S100Z: variants seen among roughly 807,000 people sequenced by gnomAD.
The protein encoded by S100Z is protein S100-Z.
In S100Z, 11 loss-of-function variants were observed where a neutral mutation model predicts 8.5. That is an observed-to-expected ratio of 1.30 (90% confidence interval 0.82 to 2.15). The LOEUF is 2.15. S100Z is among the 30% of genes most tolerant of loss of function. The pLI, the probability that S100Z is intolerant of heterozygous loss-of-function variation, is 0.00. For synonymous variants in S100Z, 34 were observed against 43.8 expected (o/e 0.78, Z 0.89); for missense variants, 126 against 117.9 (o/e 1.07, Z -0.32).
At chr5:76,888,549 T>C (rs899880878) in intron 4 of S100Z, among the ~76,000 whole-genome samples, 1 of 151,528 alleles carries the variant, frequency 6.6e-6, no homozygotes, top group Non-Finnish European at 1.5e-5. Flanking sequence ...CTAATTTTTT[T>C]GTATTTTTGG....
intron 1 of S100Z, among the ~76,000 whole-genome samples, chr5:76,863,533 T>C (rs1751127252): frequency 6.6e-6 from 1 of 152,084 alleles, no homozygotes; most frequent in Non-Finnish European, 1.5e-5. Flanking sequence ...CTTATTTTGT[T>C]TTATTTTATT....
intron 2 of S100Z, among the ~76,000 whole-genome samples, chr5:76,872,636 G>A (rs1214538835): frequency 6.6e-6 from 1 of 151,706 alleles, no homozygotes; most frequent in Non-Finnish European, 1.5e-5. Flanking sequence ...TTCCAGCATG[G>A]GTGACAGAGC....
At chr5:76,865,499 G>A (rs368881754) in intron 1 of S100Z, among the ~76,000 whole-genome samples, 11 of 148,236 alleles carry the variant, frequency 7.4e-5, no homozygotes, top group East Asian at 2.0e-4. Flanking sequence ...CACCTGCCTC[G>A]GCCTCCCAAA....
At chr5:76,896,613 A>T (rs1170635455) in intron 4 of S100Z, among the ~76,000 whole-genome samples, 4 of 152,220 alleles carry the variant, frequency 2.6e-5, no homozygotes, top group African/African-American at 9.6e-5. Flanking sequence ...AGAAACCTCC[A>T]AACTGTTCTC....
downstream of S100Z, among the ~76,000 whole-genome samples, chr5:76,923,226 C>A (rs1289534487): frequency 3.3e-5 from 5 of 152,198 alleles, no homozygotes; most frequent in Non-Finnish European, 7.3e-5. Flanking sequence ...CTATATCAAT[C>A]CTCAGCAGTC....
intron 4 of S100Z, among the ~76,000 whole-genome samples, chr5:76,914,791 A>G (rs113072115): frequency 6.6e-6 from 1 of 152,000 alleles, no homozygotes; most frequent in Admixed American, 6.6e-5. Context: ...CTCCTGACGC[A>G]CCACCTTTAA....
downstream of S100Z, among the ~76,000 whole-genome samples, chr5:76,922,624 T>C (rs916232456): frequency 3.2e-4 from 48 of 152,120 alleles, 1 homozygote; most frequent in Middle Eastern, 3.2e-3. Flanking sequence ...CCTGGGTTCA[T>C]GCCATTCTCC....
chr5:76,913,562 C>T (rs373525521), intron 4 of S100Z, among the ~76,000 whole-genome samples: 139 of 152,280 alleles, frequency 9.1e-4, no homozygotes, highest in African/African-American at 3.2e-3. Context: ...GAAAAAATCC[C>T]AAACTTACAA....
the S100Z span, among the ~76,000 whole-genome samples, chr5:76,927,440 A>G: frequency 2.6e-5 from 4 of 152,140 alleles, no homozygotes; most frequent in East Asian, 7.7e-4. Flanking sequence ...ACCTCCATTC[A>G]GATGTTCCAA....
At chr5:76,916,549 A>C (rs1744860446) in intron 4 of S100Z, among the ~76,000 whole-genome samples, 3 of 150,924 alleles carry the variant, frequency 2.0e-5, no homozygotes, top group East Asian at 1.9e-4. Context: ...AAAAAAAAAA[A>C]CCTTGAAAAA....
intron 4 of S100Z, among the ~76,000 whole-genome samples, chr5:76,910,692 G>A (rs1461326631): frequency 6.6e-6 from 1 of 152,192 alleles, no homozygotes; most frequent in Non-Finnish European, 1.5e-5. Context: ...GACTGAGGGT[G>A]CCTGGGGCAA....
At chr5:76,852,003 G>A (rs1051946492) in intron 1 of S100Z, among the ~76,000 whole-genome samples, 1 of 151,882 alleles carries the variant, frequency 6.6e-6, no homozygotes, top group Non-Finnish European at 1.5e-5. Context: ...TTTGTCTTGA[G>A]TTGCAGTCTT....
the S100Z span, among the ~76,000 whole-genome samples, chr5:76,928,471 G>T: frequency 6.6e-6 from 1 of 152,160 alleles, no homozygotes; most frequent in Non-Finnish European, 1.5e-5. Flanking sequence ...TAATAAAAAA[G>T]GCTTGTATGG....
intron 4 of S100Z, among the ~76,000 whole-genome samples, chr5:76,893,314 G>A (rs1743929271): frequency 6.6e-6 from 1 of 152,060 alleles, no homozygotes; most frequent in African/African-American, 2.4e-5. Context: ...CTTTTCAAAG[G>A]GAAGGTCTGT....
rs777506612 is a variant in S100Z at position 76,877,822 on chromosome 5, A to G, written c.290A>G (p.Lys97Arg). ...TACTTTGTAGAACAATTGAAGAAGAAAGGAAAATAAAGGTAAGTAATAAGC... is the reference window on the plus strand; with the variant it reads ...TACTTTGTAGAACAATTGAAGAAGAGAGGAAAATAAAGGTAAGTAATAAGC... ...NDYFVEQLKK[K>R]GK The change falls in exon 4 of 5, where the codon AAA becomes AGA. Residue 97 changes from lysine to arginine, a missense_variant. Coordinates refer to ENST00000317593, the MANE Select transcript of S100Z (RefSeq NM_130772.4). The G allele has an allele frequency of 6.2e-7, 1 of 1,610,858 alleles. No homozygotes were observed. Among genetic ancestry groups the G allele is most frequent in the African/African-American group, 1.3e-5 (1 of 74,894 alleles).
intron 4 of S100Z, among the ~76,000 whole-genome samples, chr5:76,912,170 A>G (rs1311698071): frequency 2.0e-5 from 3 of 152,216 alleles, no homozygotes; most frequent in African/African-American, 7.2e-5. Flanking sequence ...ATGGCATACT[A>G]GGTGCCAAAG....
chr5:76,904,580 G>C (rs1487195613), intron 4 of S100Z, among the ~76,000 whole-genome samples: 1 of 152,194 alleles, frequency 6.6e-6, no homozygotes, highest in Non-Finnish European at 1.5e-5. Flanking sequence ...TACAAGTAAT[G>C]ATGGGCTTTT....
At chr5:76,861,448 C>T (rs1188585497) in intron 1 of S100Z, among the ~76,000 whole-genome samples, 3 of 152,108 alleles carry the variant, frequency 2.0e-5, no homozygotes, top group African/African-American at 4.8e-5. Context: ...AAGTGATTCC[C>T]CTGCCTCAGT....
At chr5:76,928,366 C>T in the S100Z span, among the ~76,000 whole-genome samples, 4 of 152,172 alleles carry the variant, frequency 2.6e-5, no homozygotes, top group African/African-American at 9.7e-5. Flanking sequence ...TTGTAAGTGC[C>T]ACTGTGCTTG....
Sources: gnomAD v4.1 joint callset for allele counts (sites outside exome capture counted in the v4.1 genomes callset) on GRCh38, gnomAD v4.1.1 for gene constraint, MANE v1.5 for transcripts, NCBI Gene and HGNC (gene_info 2026-07-23, HGNC 2026-07-21) for gene names.